Variants in ZMYM4 observed in about 807,000 individuals in gnomAD.
ZMYM4 encodes the protein zinc finger MYM-type protein 4.
A neutral mutation model predicts 183.2 loss-of-function variants in ZMYM4; 31 were observed. The observed-to-expected ratio is 0.17, with a 90% confidence interval of 0.13 to 0.23. The LOEUF (loss-of-function observed/expected upper bound fraction) is 0.23, where lower values mean the gene tolerates loss of function less well. Among genes scored for constraint, ZMYM4 ranks in the 10% least tolerant of loss-of-function variants. The pLI is 1.00. For synonymous variants in ZMYM4, 592 were observed against 631.2 expected (o/e 0.94, Z 0.93); for missense variants, 1,273 against 1,840.3 (o/e 0.69, Z 5.64).
At chr1:35,364,211 G>A (rs114635265) in intron 5 of ZMYM4, among the ~76,000 whole-genome samples, 2,680 of 152,308 alleles carry the variant, frequency 0.018, 75 homozygotes, top group African/African-American at 0.06. Flanking sequence ...CTCCCTGATT[G>A]ATTGGACTTG....
At chr1:35,292,302 C>A (rs1165127275) in intron 1 of ZMYM4, 1 of 152,172 alleles carries the variant, frequency 6.6e-6, no homozygotes, top group East Asian at 1.9e-4. Flanking sequence ...CGTTTCTGAC[C>A]TGAGCCAGTT....
intron 11 of ZMYM4, 121 bp downstream of exon 11, chr1:35,386,310 T>A: frequency 1.5e-6 from 1 of 658,026 alleles, no homozygotes. Context: ...GAGGTTTAAT[T>A]GGCTCACAGT....
rs751881605 is a variant in ZMYM4 at position 35,399,052 on chromosome 1, A to G, written c.3433+9A>G. ...AGCAGATTTTCCATCAGGTTTGTGTACAGTAACCTGTCCACTGAAAGCTTT... is the reference window on the plus strand; with the variant it reads ...AGCAGATTTTCCATCAGGTTTGTGTGCAGTAACCTGTCCACTGAAAGCTTT... On this transcript the variant is annotated intron_variant, in intron 22 of 29. Coordinates refer to ENST00000314607, the MANE Select transcript of ZMYM4 (RefSeq NM_005095.3). 6.2e-7 allele frequency: 1 copy of G among 1,613,088 alleles called. No homozygotes were observed. The highest frequency in any genetic ancestry group is 8.5e-7 in the Non-Finnish European group (1 of 1,179,240).
intron 23 of ZMYM4, among the ~76,000 whole-genome samples, chr1:35,400,696 A>C (rs537024271): frequency 6.6e-6 from 1 of 152,314 alleles, no homozygotes; most frequent in Admixed American, 6.5e-5. Context: ...TGTATATGTT[A>C]TGTAATTCCC....
chr1:35,409,036 T>C (rs546830755), intron 26 of ZMYM4, among the ~76,000 whole-genome samples: 6 of 152,358 alleles, frequency 3.9e-5, no homozygotes, highest in African/African-American at 1.2e-4. Context: ...ACACACTATG[T>C]GGCCTTTTGT....
intron 1 of ZMYM4, among the ~76,000 whole-genome samples, chr1:35,320,737 G>A (rs1476497351): frequency 1.3e-5 from 2 of 152,194 alleles, no homozygotes; most frequent in African/African-American, 4.8e-5. Flanking sequence ...CACACAGTTG[G>A]TGTCTGCTAG....
intron 1 of ZMYM4, among the ~76,000 whole-genome samples, chr1:35,312,976 G>A (rs184739276): frequency 3.6e-4 from 55 of 152,196 alleles, no homozygotes; most frequent in African/African-American, 1.3e-3. Context: ...TCACTGTAAC[G>A]TCTGCCTCCT....
Position 35,268,779 on chromosome 1 carries a change from G to A in ZMYM4, c.-268G>A, listed in dbSNP as rs1570192325. Among the ~76,000 whole-genome samples, 1 of 152,218 alleles carries A rather than the reference G, an allele frequency of 6.6e-6. No individual in the cohort carries two copies. Among genetic ancestry groups the A allele is most frequent in the African/African-American group, 2.4e-5 (1 of 41,466 alleles). On this transcript the variant is annotated 5_prime_UTR_variant, in exon 1 of 30. Coordinates refer to ENST00000314607, the MANE Select transcript of ZMYM4 (RefSeq NM_005095.3). ...GAGAGAAAATAATCCTACTCACGGG[G>A]CCCCTTGGAGGCCATTAACCCCCCG...
chr1:35,360,589 A>G (rs577395557), intron 3 of ZMYM4, among the ~76,000 whole-genome samples: 1 of 152,240 alleles, frequency 6.6e-6, no homozygotes, highest in South Asian at 2.1e-4. Flanking sequence ...CATGTTTCTC[A>G]AGGAACATAA....
At chr1:35,308,540 G>A (rs1022674042) in intron 1 of ZMYM4, among the ~76,000 whole-genome samples, 1 of 152,130 alleles carries the variant, frequency 6.6e-6, no homozygotes, top group African/African-American at 2.4e-5. Context: ...TGAAGTACTA[G>A]AATCAAAGTG....
At chr1:35,370,727 C>CAT in intron 7 of ZMYM4, 100 bp downstream of exon 7, 5 of 283,476 alleles carry the variant, frequency 1.8e-5, no homozygotes, top group Non-Finnish European at 2.0e-5. Flanking sequence ...ACATTTATTC[C>CAT]TTTTTTTTTT....
chr1:35,354,973 T>G (rs1236801847), intron 2 of ZMYM4, among the ~76,000 whole-genome samples: 1 of 151,730 alleles, frequency 6.6e-6, no homozygotes, highest in Non-Finnish European at 1.5e-5. Context: ...TATATTTTAG[T>G]CTTGGGCCAT....
chr1:35,299,022 G>C (rs1474147134), intron 1 of ZMYM4, among the ~76,000 whole-genome samples: 1 of 148,016 alleles, frequency 6.8e-6, no homozygotes, highest in Admixed American at 6.7e-5. Context: ...TTTGCCTTCA[G>C]TTTTGAAAGT....
intron 7 of ZMYM4, among the ~76,000 whole-genome samples, chr1:35,380,480 GCCACGCC>G (rs1558127039): frequency 2.0e-5 from 3 of 151,958 alleles, no homozygotes; most frequent in African/African-American, 7.2e-5. Flanking sequence ...GGCACATGCC[GCCACGCC>G]TGGCTAATTT....
In ZMYM4 at chr1:35,389,733, C is replaced by G. The variant is rs1021900980; in HGVS notation, c.2437-215C>G. On this transcript the variant is annotated intron_variant, in intron 14 of 29. Coordinates refer to ENST00000314607, the MANE Select transcript of ZMYM4 (RefSeq NM_005095.3). This position sits in a 1 kb window ranked among gnomAD's most constrained non-coding sequence, Gnocchi z 4.0. ...TCACGCCACTGCACTCCAGCCTGGG[C>G]GATAGAGCAAGGCTCTGTCTCAAAA... Among the ~76,000 whole-genome samples, 5 of 139,692 alleles carry G rather than the reference C, an allele frequency of 3.6e-5. No individual in the cohort carries two copies. The highest frequency in any genetic ancestry group is 8.2e-5 in the African/African-American group (3 of 36,724). The allele number at this position is 139,692 out of a possible 152,430, so 91.6% of individuals were successfully genotyped here. A position where few individuals can be genotyped will look rare whatever the true frequency, so the allele number is the denominator to read the frequency against.
At chr1:35,415,800 A>T in intron 28 of ZMYM4, 86 bp downstream of exon 28, 1 of 1,497,650 alleles carries the variant, frequency 6.7e-7, no homozygotes, top group Non-Finnish European at 9.0e-7. Flanking sequence ...GTAATTATAA[A>T]TGCTAGACGT....
chr1:35,407,987 A>G (rs1410015957), intron 25 of ZMYM4, 21 bp from the exon 26 acceptor site: 1 of 1,613,616 alleles, frequency 6.2e-7, no homozygotes, highest in South Asian at 1.1e-5. Flanking sequence ...AATGTTTCAG[A>G]TGTTTTCTAC....
intron 23 of ZMYM4, among the ~76,000 whole-genome samples, chr1:35,400,930 T>C (rs1285569748): frequency 6.6e-6 from 1 of 152,260 alleles, no homozygotes; most frequent in Non-Finnish European, 1.5e-5. Context: ...TCCATGTTAT[T>C]TCATGTCCCA....
intron 2 of ZMYM4, among the ~76,000 whole-genome samples, chr1:35,342,605 G>T (rs929368396): frequency 6.6e-6 from 1 of 152,064 alleles, no homozygotes; most frequent in African/African-American, 2.4e-5. Context: ...TGAAGTGTAT[G>T]TTTGAATTTT....
Sources: gnomAD v4.1 joint callset for allele counts (sites outside exome capture counted in the v4.1 genomes callset) on GRCh38, gnomAD v4.1.1 for gene constraint, Gnocchi (gnomAD v3.1) non-coding constraint, MANE v1.5 for transcripts, NCBI Gene and HGNC (gene_info 2026-07-23, HGNC 2026-07-21) for gene names.